UGGT2: variants seen among roughly 807,000 people sequenced by gnomAD.
The protein encoded by UGGT2 is UDP-glucose:glycoprotein glucosyltransferase 2.
In UGGT2, 180 loss-of-function variants were observed where a neutral mutation model predicts 192.1. The ratio of observed to expected loss-of-function variants is 0.94; its 90% CI spans 0.83 to 1.06. UGGT2 has a LOEUF of 1.06. UGGT2 is among the 50% of genes least tolerant of loss of function. The pLI is 0.00. For missense variants in UGGT2, 1,849 were observed against 1,795.7 expected, an observed-to-expected ratio of 1.03 and a Z score of -0.54; for synonymous variants, 580 against 591.0, an observed-to-expected ratio of 0.98 and a Z score of 0.27.
At position 96,034,956 on chromosome 13, in the gene UGGT2, C is replaced by T. The variant is rs142379081; in HGVS notation, c.159-2985G>A. ...GTGGACAAAAGGAGCACAGCAGGCC[C>T]GAGCAAAACTAGGGCAAAGGTGCTA... On this transcript the variant is annotated intron_variant, in intron 1 of 38. Coordinates refer to ENST00000376747, the MANE Select transcript of UGGT2 (RefSeq NM_020121.4). Among the ~76,000 whole-genome samples the T allele has an allele frequency of 1.1e-3, 169 of 152,256 alleles. 1 individual carries two copies. Among genetic ancestry groups the T allele is most frequent in the African/African-American group, 3.8e-3 (157 of 41,542 alleles).
intron 20 of UGGT2, among the ~76,000 whole-genome samples, chr13:95,915,685 G>C (rs1594317008): frequency 1.3e-5 from 2 of 152,302 alleles, no homozygotes; most frequent in Admixed American, 1.3e-4. Flanking sequence ...TCTGCAGATT[G>C]GTCGACTCAG....
At chr13:95,836,993 C>T (rs370057912) in intron 37 of UGGT2, 93 bp downstream of exon 37, 8 of 966,272 alleles carry the variant, frequency 8.3e-6, no homozygotes, top group Non-Finnish European at 1.3e-5. Context: ...CGAAGTAATA[C>T]GTATGCCACT....
intron 13 of UGGT2, among the ~76,000 whole-genome samples, chr13:95,948,679 C>T (rs2140606707): frequency 6.6e-6 from 1 of 152,042 alleles, no homozygotes; most frequent in Middle Eastern, 3.4e-3. Flanking sequence ...ATCATTAGTT[C>T]TTTTTAATAA....
chr13:95,869,336 C>T (rs550063646), intron 29 of UGGT2, among the ~76,000 whole-genome samples: 8 of 152,126 alleles, frequency 5.3e-5, no homozygotes, highest in South Asian at 2.1e-4. Flanking sequence ...TGAATAGTGC[C>T]GCAATAAACA....
At chr13:96,001,673 T>C (rs999963635) in intron 5 of UGGT2, among the ~76,000 whole-genome samples, 1 of 152,058 alleles carries the variant, frequency 6.6e-6, no homozygotes, top group Non-Finnish European at 1.5e-5. Flanking sequence ...AACAACAAGG[T>C]TCATTGCACA....
intron 20 of UGGT2, among the ~76,000 whole-genome samples, chr13:95,911,560 A>C (rs2048498896): frequency 6.6e-6 from 1 of 152,128 alleles, no homozygotes; most frequent in Non-Finnish European, 1.5e-5. Flanking sequence ...CTGAATAGAC[A>C]AATAACAGGC....
chr13:95,917,448 T>C (rs2048714014), intron 20 of UGGT2, among the ~76,000 whole-genome samples: 1 of 152,114 alleles, frequency 6.6e-6, no homozygotes, highest in African/African-American at 2.4e-5. Flanking sequence ...TCGGCAGCCA[T>C]GACAAATACA....
chr13:95,993,380 A>G (rs1480269697), intron 7 of UGGT2, among the ~76,000 whole-genome samples: 1 of 152,212 alleles, frequency 6.6e-6, no homozygotes, highest in Admixed American at 6.5e-5. Context: ...TATGCCTTGA[A>G]TCTAAAATAG....
At chr13:95,928,563 C>T (rs543798943) in intron 17 of UGGT2, among the ~76,000 whole-genome samples, 13 of 151,274 alleles carry the variant, frequency 8.6e-5, no homozygotes, top group East Asian at 3.9e-4. Context: ...GACGGGGTCG[C>T]GGCGGGGCAG....
At chr13:95,955,961 G>A (rs1343483645) in intron 12 of UGGT2, among the ~76,000 whole-genome samples, 3 of 152,042 alleles carry the variant, frequency 2.0e-5, no homozygotes, top group Non-Finnish European at 4.4e-5. Context: ...TACCTAATAG[G>A]GTCGCTGTGC....
chr13:96,034,514 G>C (rs1037932156), intron 1 of UGGT2, among the ~76,000 whole-genome samples: 2 of 152,230 alleles, frequency 1.3e-5, no homozygotes, highest in Non-Finnish European at 2.9e-5. Flanking sequence ...AACATGAACA[G>C]GGCTGAAACA....
Position 95,996,106 on chromosome 13 carries a change from T to G in UGGT2, c.787A>C (p.Thr263Pro), listed in dbSNP as rs1295537090. The change falls in exon 7 of 39, where the codon ACT (threonine) becomes CCT (proline). Residue 263 changes from threonine (T) to proline (P), a missense_variant. Transcript: ENST00000376747. ...AATCCTTGAACTTCATTTGTTTCAG[T>G]CTCATCCTCTACAGTAGTATTAGTC... ...TVTNTTVEDE[T>P]ETNEVQGFLF... The G allele has an allele frequency of 2.5e-6, 4 of 1,613,748 alleles. No homozygotes were observed. Among genetic ancestry groups the G allele is most frequent in the Non-Finnish European group, 3.4e-6 (4 of 1,179,860 alleles).
chr13:95,896,117 T>G (rs2047937392), intron 22 of UGGT2, among the ~76,000 whole-genome samples: 1 of 152,114 alleles, frequency 6.6e-6, no homozygotes, highest in South Asian at 2.1e-4. Flanking sequence ...AAAACAATTA[T>G]ATTTAATGAT....
intron 14 of UGGT2, among the ~76,000 whole-genome samples, chr13:95,947,458 T>TA (rs1430005962): frequency 1.6e-5 from 2 of 122,846 alleles, no homozygotes; most frequent in African/African-American, 3.0e-5. Context: ...CTTTTTATTT[T>TA]TATTTTTTTT....
chr13:95,898,681 G>A (rs559198966), intron 22 of UGGT2, among the ~76,000 whole-genome samples: 2 of 152,168 alleles, frequency 1.3e-5, no homozygotes, highest in East Asian at 1.9e-4. Flanking sequence ...CCTCAAAATG[G>A]ACTAATGCCA....
chr13:95,883,171 C>T (rs984332948), intron 27 of UGGT2, among the ~76,000 whole-genome samples: 3 of 151,966 alleles, frequency 2.0e-5, no homozygotes, highest in Non-Finnish European at 4.4e-5. Context: ...AATCCACATA[C>T]GAGCCGATCA....
intron 29 of UGGT2, among the ~76,000 whole-genome samples, chr13:95,869,742 A>T (rs983593242): frequency 2.6e-5 from 4 of 152,240 alleles, no homozygotes; most frequent in Non-Finnish European, 5.9e-5. Context: ...AAATGAAGGG[A>T]ACAAGCTAAG....
intron 1 of UGGT2, among the ~76,000 whole-genome samples, chr13:96,047,927 C>T (rs922052267): frequency 1.2e-4 from 18 of 152,142 alleles, no homozygotes; most frequent in Middle Eastern, 3.4e-3. Context: ...GACAGATCAA[C>T]GAGACAGAAA....
At chr13:95,971,476 G>A (rs2050770392) in intron 11 of UGGT2, among the ~76,000 whole-genome samples, 2 of 152,282 alleles carry the variant, frequency 1.3e-5, no homozygotes, top group South Asian at 2.1e-4. Flanking sequence ...TAATGACCAG[G>A]TGTAGGAGCT....
Sources: allele counts gnomAD v4.1 joint callset (sites outside exome capture counted in the v4.1 genomes callset), GRCh38; gene constraint gnomAD v4.1.1; transcripts MANE v1.5; gene names NCBI Gene and HGNC (gene_info 2026-07-23, HGNC 2026-07-21).